The following NPLOC4 variants were observed in gnomAD, a reference collection of about 807,000 sequenced individuals.
NPLOC4 encodes the protein nuclear protein localization protein 4 homolog.
In NPLOC4, 18 loss-of-function variants were observed where a neutral mutation model predicts 80.6. The observed-to-expected ratio is 0.22, with a 90% CI of 0.15 to 0.33. The LOEUF is 0.33. NPLOC4 is among the 10% of genes least tolerant of loss of function. The probability of loss-of-function intolerance (pLI) is 1.00; values close to 1 mark genes in which losing one functional copy is unlikely to be tolerated. For missense variants in NPLOC4, 540 were observed against 786.1 expected (o/e 0.69, Z 3.74); for synonymous variants, 313 against 301.5 (o/e 1.04, Z -0.39).
chr17:81,595,534 A>AT (rs113450373), intron 11 of NPLOC4, among the ~76,000 whole-genome samples: 30,860 of 139,500 alleles, frequency 0.22, 4,043 homozygotes, highest in Non-Finnish European at 0.3. Flanking sequence ...ATATATATAT[A>AT]TTTTTTTTTT....
At chr17:81,583,131 T>C (rs1176949694) in intron 12 of NPLOC4, among the ~76,000 whole-genome samples, 1 of 152,268 alleles carries the variant, frequency 6.6e-6, no homozygotes, top group Non-Finnish European at 1.5e-5. Flanking sequence ...AGAGAGATGT[T>C]AGTGTGACTT....
chr17:81,612,261 C>G (rs1205783809), intron 4 of NPLOC4, among the ~76,000 whole-genome samples: 1 of 152,160 alleles, frequency 6.6e-6, no homozygotes, highest in African/African-American at 2.4e-5. Context: ...GGTCAGAATT[C>G]TTACATGCGT....
intron 10 of NPLOC4, among the ~76,000 whole-genome samples, 171 bp downstream of exon 10, chr17:81,597,074 C>A (rs112029003): frequency 0.095 from 14,520 of 152,106 alleles, 762 homozygotes; most frequent in Middle Eastern, 0.16. Context: ...GATTGCGCCA[C>A]TGCACTCCAG....
chr17:81,585,702 T>C (rs559011901), intron 12 of NPLOC4, among the ~76,000 whole-genome samples: 1 of 146,886 alleles, frequency 6.8e-6, no homozygotes, highest in African/African-American at 2.6e-5. Flanking sequence ...CTGGGTGCAG[T>C]GGCTCACATC....
intron 2 of NPLOC4, among the ~76,000 whole-genome samples, chr17:81,627,251 G>C (rs1247625482): frequency 6.6e-6 from 1 of 151,736 alleles, no homozygotes; most frequent in African/African-American, 2.4e-5. Context: ...CATTAGCCGG[G>C]CATGGTGGCG....
At chr17:81,585,195 A>T (rs71370216) in intron 12 of NPLOC4, among the ~76,000 whole-genome samples, 71 of 149,290 alleles carry the variant, frequency 4.8e-4, no homozygotes, top group Non-Finnish European at 8.5e-4. Context: ...AAAAAAAAAA[A>T]GAGTATGGTA....
At position 81,610,249 on chromosome 17, in the gene NPLOC4, G is replaced by A. The variant is rs201672516; in HGVS notation, c.396C>T (p.His132=). 210 of 1,573,266 alleles carry A rather than the reference G, an allele frequency of 1.3e-4. 3 individuals carry two copies. In the East Asian group the frequency reaches 3.2e-3, roughly 24 times the overall value. The stretch of plus-strand genomic sequence containing the variant: ...AGTGCACGCATTTCCCCAAAGGGCC[G>A]TGGCGGCATCTGAGGAGAGTACAAG... The part of the protein sequence containing the change: ...YRSRDPQLCR[H]GPLGKCVHCV... The change falls in exon 5 of 17, where the codon CAC becomes CAT. Residue 132 remains histidine (H), a synonymous_variant. Transcript: ENST00000331134.
chr17:81,602,982 C>CAT (rs2035104780), intron 8 of NPLOC4, among the ~76,000 whole-genome samples: 1 of 43,554 alleles, frequency 2.3e-5, no homozygotes, highest in South Asian at 4.3e-4. Context: ...TACACAAATA[C>CAT]ACACACACAC....
chr17:81,576,392 G>A (rs932384135), intron 12 of NPLOC4, among the ~76,000 whole-genome samples: 3 of 152,024 alleles, frequency 2.0e-5, no homozygotes, highest in Non-Finnish European at 4.4e-5. Flanking sequence ...TACAGTATTC[G>A]AGGGCTAGGA....
In NPLOC4 at chr17:81,608,654, A is replaced by ACTGG. The variant is rs574276329; in HGVS notation, c.530+70_530+73dup. On this transcript the variant is annotated intron_variant, in intron 6 of 16. Coordinates refer to ENST00000331134, the MANE Select transcript of NPLOC4 (RefSeq NM_017921.4). ...CTTTACTTCTCTCATTCACACGTTC[A>ACTGG]CTGGCTATAAGCAACAACTGCCAGC... The ACTGG allele has an allele frequency of 3.2e-4, 337 of 1,063,370 alleles. No homozygotes were observed. In the African/African-American group the frequency reaches 4.9e-3, roughly 16 times the overall value. 65.9% of individuals were successfully genotyped at this position (1,063,370 alleles called of 1,614,324 possible).
chr17:81,605,263 A>G (rs1435153108), intron 7 of NPLOC4, among the ~76,000 whole-genome samples: 2 of 146,258 alleles, frequency 1.4e-5, no homozygotes, highest in Non-Finnish European at 3.0e-5. Context: ...CCTGGGCGAC[A>G]GAGCAAAACT....
chr17:81,624,932 G>A (rs903943363), intron 2 of NPLOC4, among the ~76,000 whole-genome samples: 1 of 152,236 alleles, frequency 6.6e-6, no homozygotes, highest in African/African-American at 2.4e-5. Context: ...GAGGCAGACA[G>A]GGCCGTGGGA....
intron 11 of NPLOC4, 44 bp from the exon 12 acceptor site, chr17:81,589,148 C>T: frequency 6.4e-7 from 1 of 1,554,044 alleles, no homozygotes; most frequent in Non-Finnish European, 8.8e-7. Flanking sequence ...AAACGGCATT[C>T]AAAACCAGTC....
Position 81,580,079 on chromosome 17 carries a change from C to G in NPLOC4, c.1282-7991G>C, listed in dbSNP as rs530259678. On this transcript the variant is annotated intron_variant, in intron 12 of 16. Transcript: ENST00000331134. The surrounding 1 kb of genome is among the most constrained non-coding windows in gnomAD (Gnocchi z 4.4). Reference sequence around the variant, plus strand: ...TGCTCCTGCCCCTCCTCCCCAGCTCCTGCCTCCCAGTGCTCTCCACCTCAT... The same window carrying G: ...TGCTCCTGCCCCTCCTCCCCAGCTCGTGCCTCCCAGTGCTCTCCACCTCAT... Among the ~76,000 whole-genome samples the G allele has an allele frequency of 2.3e-4, 35 of 152,292 alleles. No individual in the cohort carries two copies. In the South Asian group the frequency reaches 7.0e-3, roughly 31 times the overall value.
At chr17:81,616,726 T>C (rs1041003621) in intron 3 of NPLOC4, among the ~76,000 whole-genome samples, 1 of 67,494 alleles carries the variant, frequency 1.5e-5, no homozygotes, top group Non-Finnish European at 2.4e-5. Context: ...CAAGACTCCA[T>C]CTCAAAAAAA....
At position 81,558,083 on chromosome 17, in the gene NPLOC4, T is replaced by A. The variant is rs895877711; in HGVS notation, c.*1176A>T. 6.6e-6 allele frequency: 1 copy of A among 152,088 alleles called. No homozygotes were observed. The highest frequency in any genetic ancestry group is 1.5e-5 in the Non-Finnish European group (1 of 68,110). The allele number at this position is 152,088 out of a possible 1,614,324, so 9.4% of individuals were successfully genotyped here. A position where few individuals can be genotyped will look rare whatever the true frequency, so the allele number is the denominator to read the frequency against. On this transcript the variant is annotated 3_prime_UTR_variant, in exon 17 of 17. Coordinates refer to ENST00000331134, the MANE Select transcript of NPLOC4 (RefSeq NM_017921.4). Reference sequence around the variant, plus strand: ...ATCGAGATGCCCACCACTCCCCGGGTAAGAGCCATGCCCCGGCCTGGCCAC... The same window carrying A: ...ATCGAGATGCCCACCACTCCCCGGGAAAGAGCCATGCCCCGGCCTGGCCAC...
rs1183567213 is a variant in NPLOC4 at position 81,636,974 on chromosome 17, GC to G, written c.-45del. The G allele has an allele frequency of 1.6e-6, 2 of 1,231,700 alleles. No individual in the cohort carries two copies. The highest frequency in any genetic ancestry group is 2.0e-6 in the Non-Finnish European group (2 of 979,080). The allele number at this position is 1,231,700 out of a possible 1,614,324, so 76.3% of individuals were successfully genotyped here. A position where few individuals can be genotyped will look rare whatever the true frequency, so the allele number is the denominator to read the frequency against. On this transcript the variant is annotated 5_prime_UTR_variant, in exon 1 of 17. Transcript: ENST00000331134. The stretch of plus-strand genomic sequence containing the variant: ...CGGGCTCGAGCCCCGGGCCGCCGCC[GC>G]CTGCCGCCCCAAGGGCCTCGCAGAC...
At chr17:81,611,956 T>C (rs2035352241) in intron 4 of NPLOC4, among the ~76,000 whole-genome samples, 1 of 78,324 alleles carries the variant, frequency 1.3e-5, no homozygotes, top group Non-Finnish European at 2.7e-5. Context: ...CGAGAGTCCA[T>C]CTCAAAAAAA....
chr17:81,620,444 T>C (rs930298818), intron 3 of NPLOC4, among the ~76,000 whole-genome samples: 1 of 152,060 alleles, frequency 6.6e-6, no homozygotes, highest in Admixed American at 6.6e-5. Context: ...TGCAGTGAGC[T>C]GGGATCACGT....
Sources: allele counts gnomAD v4.1 joint callset (sites outside exome capture counted in the v4.1 genomes callset), GRCh38; gene constraint gnomAD v4.1.1; non-coding constraint Gnocchi (gnomAD v3.1); transcripts MANE v1.5; gene names NCBI Gene and HGNC (gene_info 2026-07-23, HGNC 2026-07-21).